Variants in KANK1 observed in about 807,000 individuals in gnomAD.
The protein encoded by KANK1 is KN motif and ankyrin repeat domains 1, also known as KN motif and ankyrin repeat domain-containing protein 1.
KANK1 carries 109 observed loss-of-function variants against 106.2 expected under a neutral mutation model. The ratio of observed to expected loss-of-function variants is 1.03; its 90% CI spans 0.88 to 1.20. KANK1 has a LOEUF of 1.20. Ranked by LOEUF, KANK1 falls within the 50% of genes most tolerant of loss-of-function variation. KANK1 has a pLI of 0.00. For missense variants in KANK1, 2,399 were observed against 1,710.7 expected (o/e 1.40, Z -7.10); for synonymous variants, 873 against 652.2 (o/e 1.34, Z -5.16).
rs138095584 is a variant in KANK1 at position 579,327 on chromosome 9, A to G, written c.-84+74573A>G. Among the ~76,000 whole-genome samples the G allele has an allele frequency of 1.6e-3, 242 of 152,296 alleles. 2 individuals carry two copies. The highest frequency in any genetic ancestry group is 5.4e-3 in the African/African-American group (226 of 41,534). On this transcript the variant is annotated intron_variant, in intron 1 of 11. Transcript: ENST00000382297. ...ATCTTTGGCTTCTAGGAACAAAACAAACTTGGGGAGGATGTTATCAGGATA... is the reference window on the plus strand; with the variant it reads ...ATCTTTGGCTTCTAGGAACAAAACAGACTTGGGGAGGATGTTATCAGGATA...
chr9:727,680 ATGTGTGTG>A (rs55997819), intron 3 of KANK1, among the ~76,000 whole-genome samples: 14 of 139,766 alleles, frequency 1.0e-4, no homozygotes, highest in East Asian at 2.1e-4. Context: ...ATAACTTTTC[ATGTGTGTG>A]TGTGTGTGTG....
intron 1 of KANK1, among the ~76,000 whole-genome samples, chr9:652,544 G>A (rs148493112): frequency 5.6e-4 from 86 of 152,230 alleles, no homozygotes; most frequent in South Asian, 4.1e-3. Context: ...TAAAGTGTTT[G>A]CAGTGTGAAG....
chr9:744,736 C>T (rs757387682), intron 11 of KANK1, 147 bp downstream of exon 11: 134 of 1,532,978 alleles, frequency 8.7e-5, no homozygotes, highest in South Asian at 3.6e-4. Flanking sequence ...TCATCCTTTC[C>T]GCCTCCACCC....
chr9:718,771 G>T (rs553795477), intron 3 of KANK1, among the ~76,000 whole-genome samples: 1 of 152,206 alleles, frequency 6.6e-6, no homozygotes, highest in East Asian at 1.9e-4. Context: ...TTAGCATTCA[G>T]GCTGAGGTCT....
chr9:627,671 C>T (rs1408566832), intron 1 of KANK1, among the ~76,000 whole-genome samples: 15 of 152,136 alleles, frequency 9.9e-5, no homozygotes, highest in Admixed American at 7.2e-4. Context: ...CATTCCAGCT[C>T]GTATCTTGGT....
intron 1 of KANK1, among the ~76,000 whole-genome samples, chr9:661,537 G>A (rs1482482232): frequency 6.6e-6 from 1 of 152,142 alleles, no homozygotes; most frequent in Non-Finnish European, 1.5e-5. Context: ...ATGGGCATTT[G>A]GGTTGGTTCC....
intron 1 of KANK1, among the ~76,000 whole-genome samples, chr9:658,813 T>C: frequency 6.6e-6 from 1 of 152,154 alleles, no homozygotes; most frequent in East Asian, 1.9e-4. Context: ...GTGGGTCTAT[T>C]TCTGGGCTGT....
chr9:484,892 T>G (rs1171957568), intron 3 of KANK1, among the ~76,000 whole-genome samples: 1 of 152,140 alleles, frequency 6.6e-6, no homozygotes, highest in East Asian at 1.9e-4. Flanking sequence ...TCATCCCACC[T>G]TCATTGCATT....
At chr9:576,300 G>T (rs1820542399) in intron 1 of KANK1, among the ~76,000 whole-genome samples, 1 of 152,110 alleles carries the variant, frequency 6.6e-6, no homozygotes, top group Admixed American at 6.5e-5. Flanking sequence ...CATACCCTTG[G>T]GTCCTGAGTG....
chr9:711,332 G>T lies in KANK1; in HGVS notation c.566G>T (p.Gly189Val), dbSNP rs376441776. 6.2e-7 allele frequency: 1 copy of T among 1,614,138 alleles called. No individual in the cohort carries two copies. The highest frequency in any genetic ancestry group is 8.5e-7 in the Non-Finnish European group (1 of 1,180,034). Residue 189 changes from glycine to valine, a missense_variant, in exon 3 of 12, where the codon GGC becomes GTC. Gly to Val is a moderately radical substitution (Grantham distance 109). Transcript: ENST00000382297. ...FRRPRLASFG[G>V]MGTTSSLPSF... ...AGGCCCAGGCTGGCCAGTTTTGGAG[G>T]CATGGGCACCACAAGCTCCCTCCCT...
At position 738,442 on chromosome 9, in the gene KANK1, C is replaced by T. The variant is rs980913836; in HGVS notation, c.3491C>T (p.Thr1164Ile). The T allele has an allele frequency of 2.5e-6, 4 of 1,614,050 alleles. No homozygotes were observed. Among genetic ancestry groups the T allele is most frequent in the South Asian group, 2.2e-5 (2 of 91,082 alleles). ...VINLADGNGNTALHYSVSHSN... is the reference protein window; with the variant it reads ...VINLADGNGNIALHYSVSHSN... ...AACTTGGCAGACGGCAACGGCAACACAGCCCTCCATTACAGCGTGTCCCAC... is the reference window on the plus strand; with the variant it reads ...AACTTGGCAGACGGCAACGGCAACATAGCCCTCCATTACAGCGTGTCCCAC... Residue 1164 changes from threonine to isoleucine, a missense_variant, in exon 8 of 12, where the codon ACA (threonine) becomes ATA (isoleucine). Coordinates refer to ENST00000382297, the MANE Select transcript of KANK1 (RefSeq NM_015158.5).
chr9:685,685 A>T (rs1420893332), intron 2 of KANK1: 1 of 152,170 alleles, frequency 6.6e-6, no homozygotes, highest in Non-Finnish European at 1.5e-5. Context: ...ACTAGTACTG[A>T]GTTTATTTTA....
chr9:636,857 C>T (rs1837261008), intron 1 of KANK1, among the ~76,000 whole-genome samples: 2 of 152,182 alleles, frequency 1.3e-5, no homozygotes, highest in South Asian at 4.1e-4. Flanking sequence ...GCGCGAGACT[C>T]CGTCTCAAAA....
Position 605,079 on chromosome 9 carries a change from A to T in KANK1, c.-83-71811A>T, listed in dbSNP as rs146740346. On this transcript the variant is annotated intron_variant, in intron 1 of 11. Coordinates refer to ENST00000382297, the MANE Select transcript of KANK1 (RefSeq NM_015158.5). ...AGCTCTTTGGGAGGCCGAGGCAGGC[A>T]GATCACATGGTCAGGAGTTTGAGAC... Among the ~76,000 whole-genome samples, 432 of 151,704 alleles carry T rather than the reference A, an allele frequency of 2.8e-3. 20 individuals carry two copies. Among genetic ancestry groups the T allele is most frequent in the African/African-American group, 0.01 (430 of 41,092 alleles).
chr9:629,352 C>T (rs1421273505), intron 1 of KANK1, among the ~76,000 whole-genome samples: 1 of 152,130 alleles, frequency 6.6e-6, no homozygotes, highest in Non-Finnish European at 1.5e-5. Context: ...TCTCTCTCTT[C>T]CCCCAGCCAC....
chr9:686,917 G>GA (rs1818715841), intron 2 of KANK1: 9 of 985,190 alleles, frequency 9.1e-6, no homozygotes, highest in Non-Finnish European at 1.1e-5. Context: ...ACATCTTCTA[G>GA]AAAGGTAAAG....
At chr9:522,122 C>G (rs1207699858) in intron 1 of KANK1, among the ~76,000 whole-genome samples, 1 of 151,646 alleles carries the variant, frequency 6.6e-6, no homozygotes, top group Non-Finnish European at 1.5e-5. Flanking sequence ...TTCCTCATTG[C>G]TTTGACCAAA....
intron 1 of KANK1, chr9:659,876 A>G (rs1419217264): frequency 6.3e-6 from 1 of 158,372 alleles, no homozygotes; most frequent in Non-Finnish European, 1.4e-5. Context: ...TTTAACGTTA[A>G]GAATCTGAAG....
Position 654,814 on chromosome 9 carries a change from TGAGAGAGAGAGA to T in KANK1, c.-83-22053_-83-22042del, listed in dbSNP as rs57089042. On this transcript the variant is annotated intron_variant, in intron 1 of 11. Coordinates refer to ENST00000382297, the MANE Select transcript of KANK1 (RefSeq NM_015158.5). ...CAATATGCATTTGTGTGTGTGTGTGTGAGAGAGAGAGAGAGAGAGAGAGAGAGAGAGAGATAA... is the reference window on the plus strand; with the variant it reads ...CAATATGCATTTGTGTGTGTGTGTGTGAGAGAGAGAGAGAGAGAGAGATAA... Among the ~76,000 whole-genome samples, 425 of 80,534 alleles carry T rather than the reference TGAGAGAGAGAGA, an allele frequency of 5.3e-3. 3 individuals are homozygous for T. The highest frequency in any genetic ancestry group is 9.7e-3 in the African/African-American group (362 of 37,260). The allele number at this position is 80,534 out of a possible 152,430, so 52.8% of individuals were successfully genotyped here.
Sources: gnomAD v4.1 joint callset for allele counts (sites outside exome capture counted in the v4.1 genomes callset) on GRCh38, gnomAD v4.1.1 for gene constraint, MANE v1.5 for transcripts, NCBI Gene and HGNC (gene_info 2026-07-23, HGNC 2026-07-21) for gene names.